CLSPN: variants seen among roughly 807,000 people sequenced by gnomAD.
CLSPN encodes the protein claspin.
CLSPN carries 85 observed loss-of-function variants against 156.3 expected under a neutral mutation model. That is an observed-to-expected ratio of 0.54 (90% CI 0.46 to 0.65). The LOEUF (loss-of-function observed/expected upper bound fraction) is 0.65. CLSPN is among the 30% of genes least tolerant of loss of function. The probability of loss-of-function intolerance (pLI) is 0.00; values close to 1 mark genes in which losing one functional copy is unlikely to be tolerated. For synonymous variants in CLSPN, 534 were observed against 542.4 expected, an observed-to-expected ratio of 0.98 and a Z score of 0.22; for missense variants, 1,407 against 1,554.9, an observed-to-expected ratio of 0.90 and a Z score of 1.60.
rs775662330 is a variant in CLSPN, at chr1:35,746,191, C to T, written c.2854+575G>A. Among the ~76,000 whole-genome samples, 59 of 152,282 alleles carry T rather than the reference C, an allele frequency of 3.9e-4. No individual in the cohort carries two copies. The highest frequency in any genetic ancestry group is 6.9e-4 in the Non-Finnish European group (47 of 68,030). On this transcript the variant is annotated intron_variant, in intron 15 of 24. Transcript: ENST00000318121. The surrounding 1 kb of genome is among the most constrained non-coding windows in gnomAD (Gnocchi z 4.2). ...GAACTCCTGAGCTCAGGAAATCCCC[C>T]GCCTTGGCCTCCCAAAGTGCTGGGA...
Position 35,763,166 on chromosome 1 carries a change from C to G in CLSPN, c.738G>C (p.Lys246Asn). The change falls in exon 4 of 25, where the codon AAG (lysine) becomes AAC (asparagine). Residue 246 changes from lysine to asparagine, a missense_variant. Lys to Asn is a moderately conservative substitution (Grantham distance 94, BLOSUM62 0). Transcript: ENST00000318121. ...GCAATCATGCTTTACTTGCCTTGTGCTTTTTTACTTTGTTTTTTACAGCTG... is the reference window on the plus strand; with the variant it reads ...GCAATCATGCTTTACTTGCCTTGTGGTTTTTTACTTTGTTTTTTACAGCTG... ...IRAAVKNKVK[K>N]HKKKEPSLES... is the part of the protein sequence containing the mutation. The G allele has an allele frequency of 6.4e-7, 1 of 1,566,664 alleles. No individual in the cohort carries two copies. Among genetic ancestry groups the G allele is most frequent in the Non-Finnish European group, 8.6e-7 (1 of 1,161,132 alleles).
chr1:35,732,895 G>C lies in CLSPN; in HGVS notation c.*3601C>G. ...TCCTGGCATAAGGAAAAGTAACCCAGAGTTTGACTCAAGTTTTCTTTCTCC... is the reference window on the plus strand; with the variant it reads ...TCCTGGCATAAGGAAAAGTAACCCACAGTTTGACTCAAGTTTTCTTTCTCC... On this transcript the variant is annotated 3_prime_UTR_variant, in exon 25 of 25. Transcript: ENST00000318121. 1 of 985,420 alleles carries C rather than the reference G, an allele frequency of 1.0e-6. No homozygotes were observed. Among genetic ancestry groups the C allele is most frequent in the Non-Finnish European group, 1.2e-6 (1 of 829,938 alleles). The allele number at this position is 985,420 out of a possible 1,614,324, so 61.0% of individuals were successfully genotyped here. A position where few individuals can be genotyped will look rare whatever the true frequency, so the allele number is the denominator to read the frequency against.
chr1:35,754,391 C>G (rs916634868), intron 8 of CLSPN, among the ~76,000 whole-genome samples: 3 of 152,134 alleles, frequency 2.0e-5, no homozygotes, highest in Non-Finnish European at 4.4e-5. Flanking sequence ...ATTGCCCAGG[C>G]TGGAGTGCAG....
chr1:35,743,089 G>T, intron 18 of CLSPN, 52 bp downstream of exon 18: 1 of 1,450,654 alleles, frequency 6.9e-7, no homozygotes, highest in Non-Finnish European at 9.7e-7. Context: ...GCCTGGCCTA[G>T]TGACCAAATT....
intron 8 of CLSPN, 104 bp from the exon 9 acceptor site, chr1:35,754,040 C>T: frequency 1.0e-6 from 1 of 1,003,806 alleles, no homozygotes; most frequent in East Asian, 2.6e-5. Flanking sequence ...ATGAGGGAAA[C>T]CACACATACA....
intron 24 of CLSPN, among the ~76,000 whole-genome samples, chr1:35,723,304 A>AT (rs1188539983): frequency 1.3e-5 from 2 of 152,224 alleles, no homozygotes; most frequent in African/African-American, 4.8e-5. Flanking sequence ...GCAAAAGGCC[A>AT]TGCCATCAAG....
chr1:35,768,355 G>A (rs983480760), intron 1 of CLSPN, among the ~76,000 whole-genome samples: 3 of 140,664 alleles, frequency 2.1e-5, no homozygotes, highest in African/African-American at 5.0e-5. Flanking sequence ...GCAACAGAGC[G>A]AGACTCCGTC....
At chr1:35,755,268 T>A (rs1335286038) in intron 8 of CLSPN, among the ~76,000 whole-genome samples, 1 of 145,202 alleles carries the variant, frequency 6.9e-6, no homozygotes, top group Non-Finnish European at 1.5e-5. Context: ...TCCAGCTAAT[T>A]TTTTTTTTTT....
chr1:35,730,567 TAA>T (rs56320150), downstream of CLSPN, among the ~76,000 whole-genome samples: 22 of 62,028 alleles, frequency 3.5e-4, no homozygotes, highest in South Asian at 2.1e-3. Flanking sequence ...GAATCCATAT[TAA>T]AAAAAAAAAA....
At chr1:35,765,747 G>C (rs1380133649) in intron 1 of CLSPN, among the ~76,000 whole-genome samples, 2 of 151,968 alleles carry the variant, frequency 1.3e-5, no homozygotes, top group Non-Finnish European at 2.9e-5. Flanking sequence ...ATCATTAATG[G>C]CTGCTAACAT....
At chr1:35,729,807 G>C (rs982961423), downstream of CLSPN, among the ~76,000 whole-genome samples, 3 of 152,184 alleles carry the variant, frequency 2.0e-5, no homozygotes, top group African/African-American at 7.2e-5. Flanking sequence ...CATTAGTGCA[G>C]CCTCTTAAAT....
chr1:35,726,648 G>A (rs1019004521), intron 24 of CLSPN, among the ~76,000 whole-genome samples: 2 of 152,214 alleles, frequency 1.3e-5, no homozygotes, highest in African/African-American at 4.8e-5. Flanking sequence ...CCAGAATGAA[G>A]TGACCATCCT....
In CLSPN at chr1:35,753,295, T is replaced by C. The variant is rs1033663138; in HGVS notation, c.1771+450A>G. On this transcript the variant is annotated intron_variant, in intron 9 of 24. Transcript: ENST00000318121. ...TGGTAGAGATGAGGGCTCACTATGT[T>C]GCCCAGGCTGGTCTCCAACTCCTGA... Among the ~76,000 whole-genome samples the C allele has an allele frequency of 6.6e-5, 10 of 152,244 alleles. No individual in the cohort carries two copies. In the Middle Eastern group the frequency reaches 0.01, roughly 155 times the overall value.
chr1:35,768,258 C>T (rs1216761861), intron 1 of CLSPN, among the ~76,000 whole-genome samples: 1 of 152,146 alleles, frequency 6.6e-6, no homozygotes, highest in Non-Finnish European at 1.5e-5. Context: ...GTCCCAGCTG[C>T]TCAGGAGGCT....
In CLSPN at chr1:35,736,366, TTC is replaced by T; in HGVS notation, c.*128_*129del. 1 of 1,388,836 alleles carries T rather than the reference TTC, an allele frequency of 7.2e-7. No individual in the cohort carries two copies. Among genetic ancestry groups the T allele is most frequent in the Non-Finnish European group, 9.3e-7 (1 of 1,071,408 alleles). The allele number at this position is 1,388,836 out of a possible 1,614,324, so 86.0% of individuals were successfully genotyped here. ...GCTGTGCAGTAGAAATCACTGGAAT[TTC>T]TGTCTGCAATCTTATTGCATTGATT... On this transcript the variant is annotated 3_prime_UTR_variant, in exon 25 of 25. Coordinates refer to ENST00000318121, the MANE Select transcript of CLSPN (RefSeq NM_022111.4).
At chr1:35,769,747 C>G (rs1642802328) in intron 1 of CLSPN, 100 bp downstream of exon 1, 3 of 1,206,672 alleles carry the variant, frequency 2.5e-6, no homozygotes, top group Non-Finnish European at 2.2e-6. Context: ...GCAGTCCTCC[C>G]GCCCGGGCGC....
intron 8 of CLSPN, among the ~76,000 whole-genome samples, chr1:35,758,682 C>A (rs533827837): frequency 6.6e-6 from 1 of 151,996 alleles, no homozygotes; most frequent in East Asian, 1.9e-4. Context: ...AACCATTTCA[C>A]TAATAATAGT....
At chr1:35,764,770 C>A in intron 2 of CLSPN, 56 bp from the exon 3 acceptor site, 1 of 1,080,256 alleles carries the variant, frequency 9.3e-7, no homozygotes, top group Non-Finnish European at 1.3e-6. Context: ...CTCCTAGTCC[C>A]ACTACTCCTC....
chr1:35,759,154 G>A (rs1217994153), intron 8 of CLSPN, among the ~76,000 whole-genome samples: 3 of 152,076 alleles, frequency 2.0e-5, no homozygotes, highest in Non-Finnish European at 4.4e-5. Flanking sequence ...CAGTGTTGAG[G>A]GATCATTCAT....
Sources: gnomAD v4.1 joint callset for allele counts (sites outside exome capture counted in the v4.1 genomes callset) on GRCh38, gnomAD v4.1.1 for gene constraint, Gnocchi (gnomAD v3.1) non-coding constraint, MANE v1.5 for transcripts, NCBI Gene and HGNC (gene_info 2026-07-23, HGNC 2026-07-21) for gene names.